ZSWIM7: variants seen among roughly 807,000 people sequenced by gnomAD.
ZSWIM7 encodes the protein zinc finger SWIM domain-containing protein 7.
Under a neutral mutation model 21.1 loss-of-function variants are expected in ZSWIM7, and 22 were observed. The observed-to-expected ratio is 1.04, with a 90% confidence interval of 0.74 to 1.49. The LOEUF (loss-of-function observed/expected upper bound fraction) is 1.49, where lower values mean the gene tolerates loss of function less well. Ranked by LOEUF, ZSWIM7 falls within the 40% of genes most tolerant of loss-of-function variation. The pLI, the probability that ZSWIM7 is intolerant of heterozygous loss-of-function variation, is 0.00. For missense variants in ZSWIM7, 193 were observed against 168.0 expected (o/e 1.15, Z -0.82); for synonymous variants, 67 against 66.5 (o/e 1.01, Z -0.04).
chr17:15,982,212 C>T (rs760769341), intron 3 of ZSWIM7, among the ~76,000 whole-genome samples: 3 of 152,036 alleles, frequency 2.0e-5, no homozygotes, highest in Non-Finnish European at 4.4e-5. Context: ...GTAGTATGAT[C>T]GCACAAATTT....
rs772951128 is a variant in ZSWIM7, at chr17:15,999,663, T to C, written c.-69A>G. ...CGCTCCAGCTGACTGCGCCTACCTGTGGAGGATCCTGACCCCCCGCCGGGG... is the reference window on the plus strand; with the variant it reads ...CGCTCCAGCTGACTGCGCCTACCTGCGGAGGATCCTGACCCCCCGCCGGGG... On this transcript the variant is annotated 5_prime_UTR_variant, in exon 1 of 5. Coordinates refer to ENST00000399277, the MANE Select transcript of ZSWIM7 (RefSeq NM_001042697.2). The C allele has an allele frequency of 6.1e-5, 95 of 1,562,044 alleles. No homozygotes were observed. The highest frequency in any genetic ancestry group is 1.2e-4 in the East Asian group (5 of 41,694).
At chr17:15,995,193 G>A (rs1215736170) in intron 1 of ZSWIM7, among the ~76,000 whole-genome samples, 1 of 151,952 alleles carries the variant, frequency 6.6e-6, no homozygotes, top group Admixed American at 6.6e-5. Flanking sequence ...TCAGTTACTT[G>A]GGAAGCTGAG....
intron 4 of ZSWIM7, among the ~76,000 whole-genome samples, chr17:15,979,869 C>T (rs866737716): frequency 0.06 from 2,218 of 36,968 alleles, 278 homozygotes; most frequent in Non-Finnish European, 0.081. Flanking sequence ...GCTGGCCGGG[C>T]GGGGGGCTGA....
rs1353074792 is a variant in ZSWIM7, at chr17:15,978,107, T to G, written c.363A>C (p.Leu121=). The stretch of plus-strand genomic sequence containing the variant: ...CAGTCAACTGCTTGTCAGAGACACT[T>G]AGCTGCTGACAGGTCCTCATAACCT... The part of the protein sequence containing the change: ...LSQVMRTCQQ[L]SVSDKQLTDI... The change falls in exon 5 of 5, where the codon CTA becomes CTC. Residue 121 remains leucine, a synonymous_variant. Transcript: ENST00000399277. The G allele has an allele frequency of 6.2e-7, 1 of 1,614,174 alleles. No homozygotes were observed. Among genetic ancestry groups the G allele is most frequent in the Admixed American group, 1.7e-5 (1 of 60,028 alleles).
chr17:15,998,689 C>T (rs1181516592), intron 1 of ZSWIM7, among the ~76,000 whole-genome samples: 2 of 151,720 alleles, frequency 1.3e-5, no homozygotes, highest in Non-Finnish European at 2.9e-5. Context: ...AAAAATGGTG[C>T]TTTCACAATA....
At chr17:15,990,774 CAT>C (rs1970472246) in intron 2 of ZSWIM7, 1 of 152,106 alleles carries the variant, frequency 6.6e-6, no homozygotes, top group African/African-American at 2.4e-5. Flanking sequence ...TTATATTAAA[CAT>C]ATGAAGATTT....
chr17:15,989,887 C>T (rs929818070), intron 2 of ZSWIM7, among the ~76,000 whole-genome samples: 5 of 152,072 alleles, frequency 3.3e-5, no homozygotes, highest in Admixed American at 1.3e-4. Context: ...ATATTACAGG[C>T]GTGATCCACC....
chr17:15,986,314 G>C (rs1181288196), intron 3 of ZSWIM7, among the ~76,000 whole-genome samples: 1 of 152,148 alleles, frequency 6.6e-6, no homozygotes, highest in Non-Finnish European at 1.5e-5. Context: ...AAAGTGCTGG[G>C]ATTACAGGCG....
chr17:15,983,084 C>T (rs1014595010), intron 3 of ZSWIM7, among the ~76,000 whole-genome samples: 2 of 152,044 alleles, frequency 1.3e-5, no homozygotes, highest in South Asian at 2.1e-4. Context: ...TAGTGGCTCA[C>T]GTCTGTAATC....
At position 15,978,167 on chromosome 17, in the gene ZSWIM7, G is replaced by T; in HGVS notation, c.307-4C>A. Reference sequence around the variant, plus strand: ...AAACTGCCAAGAGATGCTTGCACTGGAATATAAAACACACACACCTATTAG... The same window carrying T: ...AAACTGCCAAGAGATGCTTGCACTGTAATATAAAACACACACACCTATTAG... On this transcript the variant is annotated splice_polypyrimidine_tract_variant and splice_region_variant and intron_variant, in intron 4 of 4. Transcript: ENST00000399277. 1 of 1,610,682 alleles carries T rather than the reference G, an allele frequency of 6.2e-7. No individual in the cohort carries two copies. The highest frequency in any genetic ancestry group is 1.3e-5 in the African/African-American group (1 of 74,980).
intron 3 of ZSWIM7, among the ~76,000 whole-genome samples, chr17:15,982,179 T>C (rs927050614): frequency 6.6e-6 from 1 of 151,520 alleles, no homozygotes; most frequent in East Asian, 1.9e-4. Flanking sequence ...AAAGGAGAGG[T>C]ACAGGAGAAA....
intron 1 of ZSWIM7, chr17:15,999,314 T>G (rs1970628664): frequency 7.1e-6 from 5 of 706,402 alleles, no homozygotes; most frequent in East Asian, 5.4e-5. Flanking sequence ...AAATATTTGC[T>G]GAATCGATTT....
chr17:15,980,360 G>A (rs933547722), intron 4 of ZSWIM7: 1 of 152,254 alleles, frequency 6.6e-6, no homozygotes, highest in African/African-American at 2.4e-5. Context: ...CATCAGTTAC[G>A]AATGTGGCCT....
intron 1 of ZSWIM7, among the ~76,000 whole-genome samples, chr17:15,994,976 T>C (rs1290444096): frequency 4.0e-5 from 6 of 151,072 alleles, no homozygotes; most frequent in African/African-American, 1.2e-4. Flanking sequence ...AAAAAGGAAA[T>C]AGAATAAAAC....
At chr17:15,998,225 G>C (rs1298038394) in intron 1 of ZSWIM7, among the ~76,000 whole-genome samples, 2 of 152,098 alleles carry the variant, frequency 1.3e-5, no homozygotes, top group African/African-American at 4.8e-5. Context: ...TCAAATCTGA[G>C]AGCCCAGAAC....
At chr17:15,990,476 G>T (rs1970468959) in intron 2 of ZSWIM7, among the ~76,000 whole-genome samples, 1 of 151,934 alleles carries the variant, frequency 6.6e-6, no homozygotes, top group African/African-American at 2.4e-5. Context: ...CTCCCGAGTA[G>T]CTGGGATTAC....
intron 4 of ZSWIM7, among the ~76,000 whole-genome samples, chr17:15,978,678 C>CTT (rs1372463993): frequency 6.6e-6 from 1 of 152,188 alleles, no homozygotes; most frequent in African/African-American, 2.4e-5. Context: ...CACAGACTTA[C>CTT]TTTGCCTGCT....
intron 4 of ZSWIM7, among the ~76,000 whole-genome samples, chr17:15,980,038 A>AC (rs1430467489): frequency 3.6e-5 from 4 of 112,598 alleles, no homozygotes; most frequent in African/African-American, 1.0e-4. Flanking sequence ...CGGGGGGCTG[A>AC]CCCCCCCACC....
chr17:15,982,707 A>C (rs536551952), intron 3 of ZSWIM7, among the ~76,000 whole-genome samples: 2 of 152,344 alleles, frequency 1.3e-5, no homozygotes, highest in East Asian at 3.9e-4. Context: ...GCTGGAGTAC[A>C]GTGGCAGATC....
Sources: gnomAD v4.1 joint callset for allele counts (sites outside exome capture counted in the v4.1 genomes callset) on GRCh38, gnomAD v4.1.1 for gene constraint, MANE v1.5 for transcripts, NCBI Gene and HGNC (gene_info 2026-07-23, HGNC 2026-07-21) for gene names.